PIGU: variants seen among roughly 807,000 people sequenced by gnomAD.
The protein encoded by PIGU is GPI-anchor transamidase component PIGU.
A neutral mutation model predicts 49.9 loss-of-function variants in PIGU; 24 were observed. The ratio of observed to expected loss-of-function variants is 0.48; its 90% CI spans 0.35 to 0.68. The LOEUF is 0.68. Ranked by LOEUF, PIGU falls within the 30% of genes least tolerant of loss-of-function variation. The pLI, the probability that PIGU is intolerant of heterozygous loss-of-function variation, is 0.01. For synonymous variants in PIGU, 220 were observed against 205.7 expected, an observed-to-expected ratio of 1.07 and a Z score of -0.59; for missense variants, 490 against 532.6, an observed-to-expected ratio of 0.92 and a Z score of 0.79.
chr20:34,592,437 GAA>G (rs11475377), intron 7 of PIGU, among the ~76,000 whole-genome samples: 223 of 120,398 alleles, frequency 1.9e-3, no homozygotes, highest in African/African-American at 2.6e-3. Flanking sequence ...GAATAATTAA[GAA>G]AAAAAAAAAA....
chr20:34,638,655 T>C (rs1986046101), intron 4 of PIGU, among the ~76,000 whole-genome samples: 1 of 152,280 alleles, frequency 6.6e-6, no homozygotes, highest in Non-Finnish European at 1.5e-5. Flanking sequence ...CACAGGATCT[T>C]GGGTTATGTT....
chr20:34,592,175 C>A (rs147957209), intron 7 of PIGU, among the ~76,000 whole-genome samples: 1,946 of 139,408 alleles, frequency 0.014, 48 homozygotes, highest in African/African-American at 0.05. Context: ...GGTGACACAG[C>A]AAGACTCCGT....
At chr20:34,668,232 G>A (rs6142216) in intron 1 of PIGU, among the ~76,000 whole-genome samples, 60,470 of 151,584 alleles carry the variant, frequency 0.4, 12,421 homozygotes, top group Admixed American at 0.56. Flanking sequence ...GGAGGTCGAG[G>A]CAGGTGGATC....
Position 34,629,628 on chromosome 20 carries a change from CTTG to C in PIGU, c.529+4984_529+4986del, listed in dbSNP as rs375084202. The stretch of plus-strand genomic sequence containing the variant: ...TACAGATGTATGATCTAAGTAAACA[CTTG>C]TTGTTGTTTTAAGCTACTGAATTCT... On this transcript the variant is annotated intron_variant, in intron 6 of 11. Transcript: ENST00000217446. Among the ~76,000 whole-genome samples, 289 of 152,288 alleles carry C rather than the reference CTTG, an allele frequency of 1.9e-3. 2 individuals carry two copies. Among genetic ancestry groups the C allele is most frequent in the Non-Finnish European group, 2.9e-3 (194 of 68,036 alleles).
intron 1 of PIGU, among the ~76,000 whole-genome samples, chr20:34,670,136 C>G (rs750797927): frequency 1.5e-4 from 23 of 151,380 alleles, no homozygotes; most frequent in Admixed American, 2.6e-4. Context: ...AATAATTCAC[C>G]ATAGAATACA....
intron 7 of PIGU, 34 bp from the exon 8 acceptor site, chr20:34,588,641 A>C: frequency 6.3e-7 from 1 of 1,594,834 alleles, no homozygotes; most frequent in Middle Eastern, 1.7e-4. Context: ...AAACTTAGGG[A>C]TGTAAACAAC....
chr20:34,672,190 C>T (rs1265502385), intron 1 of PIGU, among the ~76,000 whole-genome samples: 2 of 152,134 alleles, frequency 1.3e-5, no homozygotes, highest in African/African-American at 4.8e-5. Flanking sequence ...ATCCTCCCGC[C>T]TCGGCCTCCC....
In PIGU at chr20:34,634,733, T is replaced by C. The variant is rs1423529754; in HGVS notation, c.429-18A>G. 1.9e-6 allele frequency: 3 copies of C among 1,608,388 alleles called. No individual in the cohort carries two copies. In the South Asian group the frequency reaches 3.3e-5, roughly 18 times the overall value. ...AGAGATAGCTGGGGAAGAACAAACA[T>C]ATTTGGCATTAGTAATCCTGACCAA... On this transcript the variant is annotated intron_variant, in intron 5 of 11. Coordinates refer to ENST00000217446, the MANE Select transcript of PIGU (RefSeq NM_080476.5).
chr20:34,586,188 T>C (rs1983692782), intron 8 of PIGU, among the ~76,000 whole-genome samples: 4 of 152,246 alleles, frequency 2.6e-5, no homozygotes, highest in African/African-American at 9.6e-5. Context: ...GCTGCAATTC[T>C]GGCTCTCCTA....
chr20:34,641,038 C>A (rs927740620), intron 4 of PIGU, among the ~76,000 whole-genome samples: 1 of 152,078 alleles, frequency 6.6e-6, no homozygotes, highest in Non-Finnish European at 1.5e-5. Flanking sequence ...GGATTACAGG[C>A]GCCCACCACC....
chr20:34,585,429 C>T lies in PIGU; in HGVS notation c.926+8G>A. ...GTACACACAGCAGCAGCAGGTCCAGCCACTTACTTTAGCTTTATGGCTAAG... is the reference window on the plus strand; with the variant it reads ...GTACACACAGCAGCAGCAGGTCCAGTCACTTACTTTAGCTTTATGGCTAAG... On this transcript the variant is annotated splice_region_variant and intron_variant, in intron 9 of 11. Coordinates refer to ENST00000217446, the MANE Select transcript of PIGU (RefSeq NM_080476.5). The T allele has an allele frequency of 6.2e-7, 1 of 1,613,880 alleles. No individual in the cohort carries two copies. The highest frequency in any genetic ancestry group is 2.2e-5 in the East Asian group (1 of 44,886).
intron 2 of PIGU, among the ~76,000 whole-genome samples, chr20:34,651,928 AC>A (rs903815148): frequency 1.1e-4 from 16 of 148,618 alleles, no homozygotes; most frequent in South Asian, 4.3e-4. Context: ...ACAAAGTGAG[AC>A]CCCCCCCATC....
intron 4 of PIGU, among the ~76,000 whole-genome samples, chr20:34,639,523 G>T (rs936113650): frequency 2.0e-5 from 3 of 152,098 alleles, no homozygotes; most frequent in African/African-American, 7.2e-5. Flanking sequence ...GAGAAATAGG[G>T]AGATGAAAGT....
intron 1 of PIGU, among the ~76,000 whole-genome samples, chr20:34,660,208 G>A (rs1050412623): frequency 3.3e-5 from 5 of 152,130 alleles, no homozygotes; most frequent in Non-Finnish European, 7.4e-5. Flanking sequence ...TCCATCCATA[G>A]TAATAATCAC....
Position 34,585,538 on chromosome 20 carries a change from C to G in PIGU, c.825G>C (p.Trp275Cys), listed in dbSNP as rs1192067628. The G allele has an allele frequency of 6.2e-7, 1 of 1,613,408 alleles. No individual in the cohort carries two copies. ...PDLTPNIGLF[W>C]YFFAEMFEHF... ...GCTCAAACATCTCTGCAAAGAAGTA[C>G]CAGAAAAGACCAATGTTTGGAGTGA... Residue 275 changes from tryptophan (W) to cysteine (C), a missense_variant, in exon 9 of 12, where the codon TGG (tryptophan) becomes TGC (cysteine). By Grantham distance (215) the Trp-to-Cys change is radical. Transcript: ENST00000217446.
chr20:34,659,777 T>G (rs533499035), intron 1 of PIGU, among the ~76,000 whole-genome samples: 37 of 152,166 alleles, frequency 2.4e-4, no homozygotes, highest in Non-Finnish European at 5.1e-4. Context: ...CTCTGAAACA[T>G]GTGCTGTGTC....
intron 7 of PIGU, among the ~76,000 whole-genome samples, chr20:34,604,882 G>A (rs1984557402): frequency 6.6e-6 from 1 of 152,174 alleles, no homozygotes; most frequent in Non-Finnish European, 1.5e-5. Flanking sequence ...ATTTCCCCTA[G>A]TGTCTGCTAC....
chr20:34,658,114 T>C (rs1444917907), intron 1 of PIGU, among the ~76,000 whole-genome samples: 2 of 152,356 alleles, frequency 1.3e-5, no homozygotes, highest in East Asian at 3.9e-4. Flanking sequence ...TGCCTCAGCC[T>C]GCCCAGTGCC....
Position 34,560,993 on chromosome 20 carries a change from G to A in PIGU, c.1195-14C>T. 6.4e-7 allele frequency: 1 copy of A among 1,561,190 alleles called. No individual in the cohort carries two copies. Among genetic ancestry groups the A allele is most frequent in the Non-Finnish European group, 8.8e-7 (1 of 1,134,420 alleles). ...GATGAGCAGGATCTGGGGGGAGAGA[G>A]AGGGTGTGAGGCGCTGCTGGGTACC... On this transcript the variant is annotated splice_polypyrimidine_tract_variant and intron_variant, in intron 11 of 11. Transcript: ENST00000217446.
Sources: allele counts gnomAD v4.1 joint callset (sites outside exome capture counted in the v4.1 genomes callset), GRCh38; gene constraint gnomAD v4.1.1; transcripts MANE v1.5; gene names NCBI Gene and HGNC (gene_info 2026-07-23, HGNC 2026-07-21).